The following MED12 variants were observed in gnomAD, a reference collection of about 807,000 sequenced individuals.
The protein encoded by MED12 is mediator complex subunit 12, also known as mediator of RNA polymerase II transcription subunit 12.
MED12 carries 10 observed loss-of-function variants against 177.7 expected under a neutral mutation model. The observed-to-expected ratio is 0.06, with a 90% confidence interval of 0.03 to 0.10. MED12 has a LOEUF of 0.10. Among genes scored for constraint, MED12 ranks in the 10% least tolerant of loss-of-function variants. The pLI, the probability that MED12 is intolerant of heterozygous loss-of-function variation, is 1.00. For missense variants in MED12, 867 were observed against 1,780.8 expected (o/e 0.49, Z 9.23); for synonymous variants, 641 against 678.4 (o/e 0.94, Z 0.86).
intron 7 of MED12, 131 bp from the exon 8 acceptor site, chrX:71,122,069 G>A: frequency 2.2e-6 from 2 of 922,236 alleles, no homozygotes; most frequent in Non-Finnish European, 3.1e-6. Context: ...GGATCGGGGT[G>A]GAGTGATGCC....
chrX:71,129,644 A>G lies in MED12; in HGVS notation c.3692-36A>G, dbSNP rs995574295. 3 of 1,164,662 alleles carry G rather than the reference A, an allele frequency of 2.6e-6. No individual in the cohort carries two copies. In the African/African-American group the frequency reaches 5.4e-5, roughly 21 times the overall value. On this transcript the variant is annotated intron_variant, in intron 26 of 44. Coordinates refer to ENST00000374080, the MANE Select transcript of MED12 (RefSeq NM_005120.3). Reference sequence around the variant, plus strand: ...GGGTCTCCACACGTGTTCCAATCTCACTCTGCCCTCCCTATCTCCCACCCG... The same window carrying G: ...GGGTCTCCACACGTGTTCCAATCTCGCTCTGCCCTCCCTATCTCCCACCCG...
rs57095229 is a variant in MED12, at chrX:71,138,886, A to G, written c.6044+943A>G. On this transcript the variant is annotated intron_variant, in intron 41 of 44. Transcript: ENST00000374080. ...AAATACCAGGATGGACAAATGAATG[A>G]ATCCTCCCACCATGGTTAACGTTAG... 6.5e-3 allele frequency among the ~76,000 whole-genome samples: 724 copies of G among 112,000 alleles called. 6 individuals carry two copies. Among genetic ancestry groups the G allele is most frequent in the African/African-American group, 0.023 (695 of 30,845 alleles).
At position 71,140,665 on chromosome X, in the gene MED12, C is replaced by A. The variant is rs767609800; in HGVS notation, c.6075C>A (p.Pro2025=). The A allele has an allele frequency of 5.0e-6, 6 of 1,210,783 alleles. No homozygotes were observed. The Admixed American group carries it at 1.3e-4, about 26-fold the overall frequency. Residue 2025 remains proline (P), a synonymous_variant, in exon 42 of 45, where the codon CCC becomes CCA. Coordinates refer to ENST00000374080, the MANE Select transcript of MED12 (RefSeq NM_005120.3). ...CACACCAGACACTGCAGCAGACACC[C>A]ATGATAAGTACCATGACTCCAATGA... ...RFSHQTLQQT[P]MISTMTPMSA...
Position 71,118,869 on chromosome X carries a change from G to A in MED12, c.99+16G>A. On this transcript the variant is annotated intron_variant, in intron 1 of 44. Coordinates refer to ENST00000374080, the MANE Select transcript of MED12 (RefSeq NM_005120.3). ...ACAGAAGGAGGTGCGTTCGAAAATCGGGGCTCTGGAGGGGCCGGGGGCACG... is the reference window on the plus strand; with the variant it reads ...ACAGAAGGAGGTGCGTTCGAAAATCAGGGCTCTGGAGGGGCCGGGGGCACG... 8.4e-7 allele frequency: 1 copy of A among 1,194,456 alleles called. No individual in the cohort carries two copies. The highest frequency in any genetic ancestry group is 1.1e-6 in the Non-Finnish European group (1 of 882,294).
chrX:71,133,629 C>T (rs966571564), intron 33 of MED12, among the ~76,000 whole-genome samples: 2 of 110,779 alleles, frequency 1.8e-5, no homozygotes, highest in African/African-American at 6.6e-5. Context: ...CCACCGTGCC[C>T]AGCCTGAGTC....
At position 71,130,085 on chromosome X, in the gene MED12, C is replaced by T. The variant is rs372389957; in HGVS notation, c.3918C>T (p.Asp1306=). The T allele has an allele frequency of 1.7e-5, 21 of 1,208,503 alleles. No homozygotes were observed. The African/African-American group carries it at 3.1e-4, about 18-fold the overall frequency. Residue 1306 remains aspartate, a synonymous_variant, in exon 28 of 45, where the codon GAC becomes GAT. Transcript: ENST00000374080. ...AGTCTCTGTGTGAGGACAGCAATGA[C>T]CTGCAAGACCCAGTGTTGAGTAGTG... ...CLKSLCEDSN[D]LQDPVLSSAQ...
intron 28 of MED12, among the ~76,000 whole-genome samples, chrX:71,131,192 G>A (rs1050645838): frequency 2.0e-5 from 2 of 102,275 alleles, no homozygotes; most frequent in Admixed American, 2.2e-4. Context: ...ACAGTGGTGC[G>A]ATCTCGGCTC....
intron 43 of MED12, among the ~76,000 whole-genome samples, 187 bp from the exon 44 acceptor site, chrX:71,141,696 A>G (rs755168645): frequency 2.7e-5 from 3 of 110,902 alleles, no homozygotes; most frequent in Non-Finnish European, 5.7e-5. Context: ...TCAGCTACTC[A>G]AGAGGCTGAG....
At chrX:71,130,271 C>T in intron 28 of MED12, 57 bp downstream of exon 28, 3 of 1,090,872 alleles carry the variant, frequency 2.8e-6, no homozygotes, top group East Asian at 3.2e-5. Flanking sequence ...TGGGGAGAAA[C>T]AATAGGAACC....
chrX:71,121,122 C>T lies in MED12; in HGVS notation c.705C>T (p.Tyr235=), dbSNP rs2147777898. 1 of 1,210,946 alleles carries T rather than the reference C, an allele frequency of 8.3e-7. No homozygotes were observed. Among genetic ancestry groups the T allele is most frequent in the South Asian group, 1.8e-5 (1 of 56,838 alleles). ...AGGTGGCAATCCGGCAGTGGGATTA[C>T]ACCGAGAAGCTGGCCATGTTCATGT... ...DVEVAIRQWD[Y]TEKLAMFMFQ... The change falls in exon 5 of 45, where the codon TAC becomes TAT. Residue 235 remains tyrosine, a synonymous_variant. Coordinates refer to ENST00000374080, the MANE Select transcript of MED12 (RefSeq NM_005120.3).
chrX:71,135,934 C>T (rs2092331120), intron 36 of MED12, among the ~76,000 whole-genome samples: 1 of 109,689 alleles, frequency 9.1e-6, no homozygotes, highest in Admixed American at 9.7e-5. Flanking sequence ...CTGTCTTCCT[C>T]TGAATGTCAA....
intron 4 of MED12, among the ~76,000 whole-genome samples, chrX:71,120,685 A>T (rs2092287101): frequency 1.8e-5 from 2 of 109,387 alleles, no homozygotes; most frequent in Admixed American, 1.9e-4. Flanking sequence ...ATCTTGGCTT[A>T]CTGCAACCTC....
At chrX:71,125,922 C>T (rs1406718878) in intron 17 of MED12, 114 bp from the exon 18 acceptor site, 6 of 556,894 alleles carry the variant, frequency 1.1e-5, no homozygotes, top group East Asian at 1.0e-4. Flanking sequence ...TCCCTCCCTC[C>T]TTCCATCTCT....
chrX:71,140,075 TC>T (rs1489356662), intron 41 of MED12, among the ~76,000 whole-genome samples: 1 of 97,861 alleles, frequency 1.0e-5, no homozygotes, highest in African/African-American at 3.5e-5. Context: ...TCTTTTCTTT[TC>T]TTTCTTTTTT....
At chrX:71,132,637 A>G in intron 31 of MED12, 99 bp downstream of exon 31, 1 of 1,032,784 alleles carries the variant, frequency 9.7e-7, no homozygotes, top group East Asian at 3.3e-5. Context: ...CATCATAGGA[A>G]AGTGGAAAAT....
intron 24 of MED12, 54 bp downstream of exon 24, chrX:71,128,772 C>T (rs755481011): frequency 1.1e-5 from 13 of 1,177,430 alleles, no homozygotes; most frequent in Non-Finnish European, 1.4e-5. Context: ...TTTCAATACA[C>T]ACTGGACGGC....
chrX:71,131,764 G>A, intron 29 of MED12, 143 bp downstream of exon 29: 1 of 620,931 alleles, frequency 1.6e-6, no homozygotes, highest in Non-Finnish European at 2.6e-6. Context: ...TGGTGAACAA[G>A]TGGAGCTGAT....
chrX:71,132,311 A>C, intron 30 of MED12, 66 bp from the exon 31 acceptor site: 1 of 1,186,815 alleles, frequency 8.4e-7, no homozygotes, highest in South Asian at 1.8e-5. Flanking sequence ...CAGGGAAAGG[A>C]GAGGATAGAT....
intron 42 of MED12, 42 bp from the exon 43 acceptor site, chrX:71,141,188 C>T (rs1199259133): frequency 5.2e-5 from 61 of 1,163,643 alleles, no homozygotes; most frequent in Non-Finnish European, 6.3e-5. Context: ...GGCTTAGCTT[C>T]CTCCCTCTGC....
Sources: allele counts gnomAD v4.1 joint callset (sites outside exome capture counted in the v4.1 genomes callset), GRCh38; gene constraint gnomAD v4.1.1; transcripts MANE v1.5; gene names NCBI Gene and HGNC (gene_info 2026-07-23, HGNC 2026-07-21).